The following GNAQ variants were observed in gnomAD, a reference collection of about 807,000 sequenced individuals.
GNAQ encodes G protein subunit alpha q.
In GNAQ, 8 loss-of-function variants were observed where a neutral mutation model predicts 43.9. The ratio of observed to expected loss-of-function variants is 0.18; its 90% confidence interval spans 0.11 to 0.33. The LOEUF (loss-of-function observed/expected upper bound fraction) is 0.33. Among genes scored for constraint, GNAQ ranks in the 10% least tolerant of loss-of-function variants. The pLI is 1.00. For synonymous variants in GNAQ, 155 were observed against 170.7 expected (o/e 0.91, Z 0.71); for missense variants, 158 against 450.8 (o/e 0.35, Z 5.88).
chr9:77,810,440 A>G (rs942384249), intron 3 of GNAQ, among the ~76,000 whole-genome samples: 17 of 152,222 alleles, frequency 1.1e-4, no homozygotes, highest in African/African-American at 2.4e-4. Flanking sequence ...GGGGATGCTA[A>G]TAACTATGTA....
At chr9:77,784,110 G>T (rs1826439039) in intron 5 of GNAQ, among the ~76,000 whole-genome samples, 1 of 150,214 alleles carries the variant, frequency 6.7e-6, no homozygotes, top group South Asian at 2.1e-4. Flanking sequence ...TGAAATTTTT[G>T]TTTTTTTTTC....
At chr9:77,862,009 A>G (rs13296590) in intron 2 of GNAQ, among the ~76,000 whole-genome samples, 2,202 of 20,766 alleles carry the variant, frequency 0.11, 218 homozygotes, top group South Asian at 0.2. Context: ...TGTCTGGGGT[A>G]AAAAAAAAAA....
chr9:77,791,056 T>C (rs151213280), intron 5 of GNAQ, among the ~76,000 whole-genome samples: 207 of 152,330 alleles, frequency 1.4e-3, no homozygotes, highest in Middle Eastern at 6.8e-3. Context: ...AAGGAGGGCC[T>C]AGGGTAGGGA....
intron 5 of GNAQ, among the ~76,000 whole-genome samples, chr9:77,751,497 C>T (rs1186743100): frequency 6.6e-6 from 1 of 152,084 alleles, no homozygotes; most frequent in East Asian, 1.9e-4. Flanking sequence ...GTTGAGTGTA[C>T]TTCAGAAAGC....
At chr9:78,029,859 A>C (rs1215936597) in intron 1 of GNAQ, among the ~76,000 whole-genome samples, 1 of 152,218 alleles carries the variant, frequency 6.6e-6, no homozygotes, top group African/African-American at 2.4e-5. Context: ...TATACATGCA[A>C]ATACCCAGAA....
At chr9:78,003,812 T>TAAAAAAAAAAAAAA (rs557188160) in intron 1 of GNAQ, among the ~76,000 whole-genome samples, 1 of 91,602 alleles carries the variant, frequency 1.1e-5, no homozygotes, top group Non-Finnish European at 2.2e-5. Context: ...CAAGACTGTC[T>TAAAAAAAAAAAAAA]AAAAAAAAAA....
intron 5 of GNAQ, among the ~76,000 whole-genome samples, chr9:77,769,916 T>C (rs1361436748): frequency 6.6e-6 from 1 of 152,126 alleles, no homozygotes; most frequent in Admixed American, 6.5e-5. Flanking sequence ...TCTGCCCGCC[T>C]CTGCCTCCCA....
At chr9:77,743,060 C>T (rs563273874) in intron 5 of GNAQ, among the ~76,000 whole-genome samples, 1 of 152,136 alleles carries the variant, frequency 6.6e-6, no homozygotes, top group African/African-American at 2.4e-5. Context: ...GAGATTGAGA[C>T]CACCCTGGCT....
intron 2 of GNAQ, among the ~76,000 whole-genome samples, chr9:77,878,795 C>T (rs1828166041): frequency 6.6e-6 from 1 of 152,048 alleles, no homozygotes; most frequent in South Asian, 2.1e-4. Flanking sequence ...ACTGTAATTC[C>T]AGCACTTTGG....
At chr9:77,801,591 TAGAG>T (rs745498583) in intron 3 of GNAQ, among the ~76,000 whole-genome samples, 3 of 152,180 alleles carry the variant, frequency 2.0e-5, no homozygotes, top group Non-Finnish European at 2.9e-5. Context: ...AGTTGAATAA[TAGAG>T]AGAAAGGCTC....
intron 1 of GNAQ, among the ~76,000 whole-genome samples, chr9:78,010,997 T>C (rs1281497586): frequency 6.6e-6 from 1 of 152,072 alleles, no homozygotes; most frequent in Non-Finnish European, 1.5e-5. Context: ...ACTGGAAAAG[T>C]TGAGGGCTAA....
At chr9:77,867,925 G>C (rs1307601367) in intron 2 of GNAQ, among the ~76,000 whole-genome samples, 2 of 152,180 alleles carry the variant, frequency 1.3e-5, no homozygotes, top group Non-Finnish European at 2.9e-5. Context: ...AATATGCTAT[G>C]AGCAAAACAA....
chr9:77,843,588 T>C (rs1827527168), intron 2 of GNAQ, among the ~76,000 whole-genome samples: 1 of 152,132 alleles, frequency 6.6e-6, no homozygotes, highest in Non-Finnish European at 1.5e-5. Flanking sequence ...GCTGACCCCT[T>C]GGATAGAGTA....
At chr9:77,822,898 T>C (rs1201765963) in intron 2 of GNAQ, among the ~76,000 whole-genome samples, 1 of 151,624 alleles carries the variant, frequency 6.6e-6, no homozygotes, top group Non-Finnish European at 1.5e-5. Context: ...TACCTCTTTA[T>C]CCTATGAAAA....
chr9:77,849,138 A>T (rs1827632468), intron 2 of GNAQ, among the ~76,000 whole-genome samples: 1 of 152,050 alleles, frequency 6.6e-6, no homozygotes, highest in Non-Finnish European at 1.5e-5. Context: ...GAGTCACAGG[A>T]CAGCACCCCC....
intron 2 of GNAQ, among the ~76,000 whole-genome samples, chr9:77,891,292 T>G (rs948373866): frequency 6.6e-6 from 1 of 152,204 alleles, no homozygotes; most frequent in Admixed American, 6.5e-5. Context: ...CTTGCTCTCT[T>G]TCGTAGCAGC....
chr9:78,019,868 G>A (rs1288106734), intron 1 of GNAQ, among the ~76,000 whole-genome samples: 7 of 144,570 alleles, frequency 4.8e-5, no homozygotes, highest in African/African-American at 1.8e-4. Context: ...AGGGTGCAGT[G>A]AGCTGAGATT....
rs201745293 is a variant in GNAQ, at chr9:77,770,010, TAAC to T, written c.735+24450_735+24452del. Reference sequence around the variant, plus strand: ...GGGATTGTGTATTTGGGTAATGAAATAACAACAAGTAGCAGCTTTTCCTCATAA... The same window carrying T: ...GGGATTGTGTATTTGGGTAATGAAATAACAAGTAGCAGCTTTTCCTCATAA... On this transcript the variant is annotated intron_variant, in intron 5 of 6. Coordinates refer to ENST00000286548, the MANE Select transcript of GNAQ (RefSeq NM_002072.5). Among the ~76,000 whole-genome samples, 836 of 152,220 alleles carry T rather than the reference TAAC, an allele frequency of 5.5e-3. 3 individuals carry two copies. The highest frequency in any genetic ancestry group is 0.018 in the African/African-American group (750 of 41,516).
intron 5 of GNAQ, among the ~76,000 whole-genome samples, chr9:77,729,998 CAG>C (rs1368905795): frequency 5.9e-5 from 9 of 152,304 alleles, no homozygotes; most frequent in South Asian, 2.1e-4. Context: ...TGCTTTCATG[CAG>C]AGTGTGGAAA....
Sources: allele counts gnomAD v4.1 joint callset (sites outside exome capture counted in the v4.1 genomes callset), GRCh38; gene constraint gnomAD v4.1.1; transcripts MANE v1.5; gene names NCBI Gene and HGNC (gene_info 2026-07-23, HGNC 2026-07-21).